Variants in UNC5D observed in about 807,000 individuals in gnomAD.
UNC5D encodes netrin receptor UNC5D.
In UNC5D, 39 loss-of-function variants were observed where a neutral mutation model predicts 105.4. The observed-to-expected ratio is 0.37, with a 90% confidence interval of 0.29 to 0.48. The LOEUF is 0.48. Among genes scored for constraint, UNC5D ranks in the 20% least tolerant of loss-of-function variants. UNC5D has a pLI of 0.98. For missense variants in UNC5D, 991 were observed against 1,202.4 expected (o/e 0.82, Z 2.60); for synonymous variants, 452 against 450.4 (o/e 1.00, Z -0.04).
At chr8:35,465,561 G>A (rs576784554) in intron 1 of UNC5D, among the ~76,000 whole-genome samples, 1 of 152,162 alleles carries the variant, frequency 6.6e-6, no homozygotes, top group Non-Finnish European at 1.5e-5. Context: ...TTTCTTTTCA[G>A]TTGTATCCCT....
rs924158824 is a variant in UNC5D, at chr8:35,396,889, GT to G, written c.104-152396del. Among the ~76,000 whole-genome samples the G allele has an allele frequency of 1.5e-4, 22 of 151,514 alleles. No homozygotes were observed. In the South Asian group the frequency reaches 2.5e-3, roughly 17 times the overall value. Reference sequence around the variant, plus strand: ...TTATGTGTCTCTTCTGAGCCCAAGGGTTTTTTTGTTTGTTTGGTTTGTTTTT... The same window carrying G: ...TTATGTGTCTCTTCTGAGCCCAAGGGTTTTTTGTTTGTTTGGTTTGTTTTT... On this transcript the variant is annotated intron_variant, in intron 1 of 16. Coordinates refer to ENST00000404895, the MANE Select transcript of UNC5D (RefSeq NM_080872.4).
chr8:35,575,183 TGTCCCTAGTTAGATC>T (rs1471919416), intron 3 of UNC5D, among the ~76,000 whole-genome samples: 2 of 152,024 alleles, frequency 1.3e-5, no homozygotes, highest in African/African-American at 4.8e-5. Context: ...TGTGGATTTA[TGTCCCTAGTTAGATC>T]GTAAACTGCT....
At chr8:35,440,583 C>A (rs1433160053) in intron 1 of UNC5D, among the ~76,000 whole-genome samples, 1 of 151,928 alleles carries the variant, frequency 6.6e-6, no homozygotes, top group Non-Finnish European at 1.5e-5. Flanking sequence ...AAGTTAAGTA[C>A]CTAACTAGCA....
chr8:35,352,298 A>G (rs148155503), intron 1 of UNC5D, among the ~76,000 whole-genome samples: 1,564 of 152,160 alleles, frequency 0.01, 15 homozygotes, highest in Middle Eastern at 0.041. Context: ...AAAGACATAC[A>G]CATAAATAAT....
At chr8:35,408,047 A>G (rs1804919764) in intron 1 of UNC5D, among the ~76,000 whole-genome samples, 1 of 152,122 alleles carries the variant, frequency 6.6e-6, no homozygotes, top group South Asian at 2.1e-4. Context: ...CTAAACTGCA[A>G]TTATTCCTTA....
chr8:35,336,790 T>TG lies in UNC5D; in HGVS notation c.103+100904dup, dbSNP rs1293351632. Among the ~76,000 whole-genome samples, 9 of 21,954 alleles carry TG rather than the reference T, an allele frequency of 4.1e-4. No individual in the cohort carries two copies. The East Asian group carries it at 0.01, about 25-fold the overall frequency. 14.4% of individuals were successfully genotyped at this position (21,954 alleles called of 152,430 possible). ...AGCCCAGATAGACCAAAGGAAATAG[T>TG]GTTTTTTTTTTTTCTTTATTTTTAG... On this transcript the variant is annotated intron_variant, in intron 1 of 16. Coordinates refer to ENST00000404895, the MANE Select transcript of UNC5D (RefSeq NM_080872.4).
At chr8:35,699,711 A>G (rs187300608) in intron 7 of UNC5D, among the ~76,000 whole-genome samples, 15 of 152,292 alleles carry the variant, frequency 9.8e-5, no homozygotes, top group African/African-American at 3.6e-4. Context: ...ATGTCTATAC[A>G]GGCTGGGAAG....
At chr8:35,612,988 T>C (rs1474103125) in intron 4 of UNC5D, among the ~76,000 whole-genome samples, 1 of 152,096 alleles carries the variant, frequency 6.6e-6, no homozygotes, top group Non-Finnish European at 1.5e-5. Flanking sequence ...TGTGGGTTTG[T>C]GGAAACCCTC....
At chr8:35,540,444 G>GGTGTGTGTGTGTGTGTGTGTGT (rs11467586) in intron 1 of UNC5D, among the ~76,000 whole-genome samples, 1 of 142,698 alleles carries the variant, frequency 7.0e-6, no homozygotes, top group Admixed American at 7.1e-5. Flanking sequence ...AAAGCAGAGG[G>GGTGTGTGTGTGTGTGTGTGTGT]GTGTGTGTGT....
At chr8:35,636,129 A>C (rs533790332) in intron 4 of UNC5D, among the ~76,000 whole-genome samples, 9 of 152,322 alleles carry the variant, frequency 5.9e-5, no homozygotes, top group African/African-American at 2.2e-4. Flanking sequence ...TCTATATTGC[A>C]CATGCTTGTG....
intron 1 of UNC5D, among the ~76,000 whole-genome samples, chr8:35,281,653 C>T (rs773328936): frequency 2.0e-4 from 30 of 152,064 alleles, no homozygotes; most frequent in Admixed American, 7.9e-4. Flanking sequence ...CCCTGAAGAG[C>T]CTTTTATGGG....
At chr8:35,440,906 A>G (rs945074244) in intron 1 of UNC5D, among the ~76,000 whole-genome samples, 2 of 151,944 alleles carry the variant, frequency 1.3e-5, no homozygotes, top group Non-Finnish European at 1.5e-5. Context: ...ATCTCCATGA[A>G]AGACTATACA....
chr8:35,353,092 CA>C (rs1217303818), intron 1 of UNC5D, among the ~76,000 whole-genome samples: 2 of 152,094 alleles, frequency 1.3e-5, no homozygotes, highest in African/African-American at 4.8e-5. Flanking sequence ...ATGCTCACAA[CA>C]AAAGCTACCC....
At chr8:35,664,719 A>ATGAC (rs1824319482) in intron 4 of UNC5D, among the ~76,000 whole-genome samples, 1 of 152,046 alleles carries the variant, frequency 6.6e-6, no homozygotes, top group Admixed American at 6.6e-5. Context: ...TACCTCAACA[A>ATGAC]TGACTTGTAT....
intron 13 of UNC5D, among the ~76,000 whole-genome samples, chr8:35,758,567 A>C (rs886672526): frequency 6.6e-6 from 1 of 152,190 alleles, no homozygotes; most frequent in Non-Finnish European, 1.5e-5. Flanking sequence ...CATTTCTTAT[A>C]TCGTCTCTCC....
intron 1 of UNC5D, among the ~76,000 whole-genome samples, chr8:35,350,355 C>T (rs1812145919): frequency 6.6e-6 from 1 of 151,984 alleles, no homozygotes; most frequent in African/African-American, 2.4e-5. Flanking sequence ...AGCAATCTGA[C>T]TCGCCTACTG....
chr8:35,386,865 T>C (rs2128937013), intron 1 of UNC5D, among the ~76,000 whole-genome samples: 1 of 152,296 alleles, frequency 6.6e-6, no homozygotes, highest in East Asian at 1.9e-4. Context: ...CTTTGCTTTT[T>C]TTATTTTTTA....
intron 13 of UNC5D, among the ~76,000 whole-genome samples, chr8:35,751,466 G>A (rs1830280096): frequency 6.6e-6 from 1 of 152,154 alleles, no homozygotes; most frequent in Non-Finnish European, 1.5e-5. Flanking sequence ...TTTGGGAAAG[G>A]GCTGTTATTG....
rs1803089285 is a variant in UNC5D at position 35,792,532 on chromosome 8, A to G, written c.*1969A>G. ...TGTGCTTAACTTATTTATTTCTTCTAGGAAACAATAGATAAACAGCATGAA... is the reference window on the plus strand; with the variant it reads ...TGTGCTTAACTTATTTATTTCTTCTGGGAAACAATAGATAAACAGCATGAA... On this transcript the variant is annotated 3_prime_UTR_variant, in exon 17 of 17. Transcript: ENST00000404895. The G allele has an allele frequency of 6.5e-6, 1 of 154,664 alleles. No homozygotes were observed. Among genetic ancestry groups the G allele is most frequent in the Non-Finnish European group, 1.4e-5 (1 of 69,948 alleles). The allele number at this position is 154,664 out of a possible 1,614,324, so 9.6% of individuals were successfully genotyped here. A position where few individuals can be genotyped will look rare whatever the true frequency, so the allele number is the denominator to read the frequency against.
Sources: allele counts gnomAD v4.1 joint callset (sites outside exome capture counted in the v4.1 genomes callset), GRCh38; gene constraint gnomAD v4.1.1; transcripts MANE v1.5; gene names NCBI Gene and HGNC (gene_info 2026-07-23, HGNC 2026-07-21).